CA12: variants seen among roughly 807,000 people sequenced by gnomAD.
CA12 encodes carbonic anhydrase 12.
Under a neutral mutation model 46.8 loss-of-function variants are expected in CA12, and 36 were observed. The observed-to-expected ratio is 0.77, with a 90% confidence interval of 0.59 to 1.02. The LOEUF is 1.02. Ranked by LOEUF, CA12 falls within the 50% of genes least tolerant of loss-of-function variation. The pLI is 0.00. For missense variants in CA12, 436 were observed against 451.4 expected (o/e 0.97, Z 0.31); for synonymous variants, 202 against 187.0 (o/e 1.08, Z -0.65).
At chr15:63,369,366 C>T (rs16946950) in intron 2 of CA12, among the ~76,000 whole-genome samples, 7,616 of 152,222 alleles carry the variant, frequency 0.05, 313 homozygotes, top group South Asian at 0.11. Flanking sequence ...CATAGCTCTG[C>T]GAGGCAAAGA....
chr15:63,361,757 A>G (rs940196445), intron 2 of CA12, among the ~76,000 whole-genome samples: 1 of 152,190 alleles, frequency 6.6e-6, no homozygotes, highest in African/African-American at 2.4e-5. Context: ...GAGGGACTCC[A>G]GTCCATGGGA....
At chr15:63,379,645 T>A (rs1487886793) in intron 1 of CA12, among the ~76,000 whole-genome samples, 2 of 152,216 alleles carry the variant, frequency 1.3e-5, no homozygotes, top group African/African-American at 4.8e-5. Flanking sequence ...CAGCTGGTAC[T>A]GGGCAGGGAG....
Position 63,339,170 on chromosome 15 carries a change from G to A in CA12, c.748-225C>T, listed in dbSNP as rs1186113463. 2.6e-5 allele frequency among the ~76,000 whole-genome samples: 4 copies of A among 152,110 alleles called. No homozygotes were observed. Among genetic ancestry groups the A allele is most frequent in the Non-Finnish European group, 5.9e-5 (4 of 68,020 alleles). Reference sequence around the variant, plus strand: ...CGCTGGGTTTATCTTCCCAGCACCCGAGACTTCAGGGAAAGGCAGTGCTGT... The same window carrying A: ...CGCTGGGTTTATCTTCCCAGCACCCAAGACTTCAGGGAAAGGCAGTGCTGT... On this transcript the variant is annotated intron_variant, in intron 7 of 10. Transcript: ENST00000178638. The surrounding 1 kb of genome is among the most constrained non-coding windows in gnomAD (Gnocchi z 4.3).
intron 2 of CA12, among the ~76,000 whole-genome samples, chr15:63,362,752 C>T (rs977369272): frequency 6.6e-6 from 1 of 152,172 alleles, no homozygotes; most frequent in African/African-American, 2.4e-5. Flanking sequence ...CTATAGCACT[C>T]TTGCTATTAT....
Position 63,323,808 on chromosome 15 carries a change from G to A in CA12, c.*2477C>T, listed in dbSNP as rs910659072. On this transcript the variant is annotated 3_prime_UTR_variant, in exon 11 of 11. Coordinates refer to ENST00000178638, the MANE Select transcript of CA12 (RefSeq NM_001218.5). The surrounding 1 kb of genome is among the most constrained non-coding windows in gnomAD (Gnocchi z 5.1). ...GCTAGAAACAGATACAGAGTTTTTTGTTGTTTTTTAACTATTTTACCAGAT... is the reference window on the plus strand; with the variant it reads ...GCTAGAAACAGATACAGAGTTTTTTATTGTTTTTTAACTATTTTACCAGAT... The A allele has an allele frequency of 2.0e-5, 3 of 152,210 alleles. No homozygotes were observed. The highest frequency in any genetic ancestry group is 7.2e-5 in the African/African-American group (3 of 41,426). 9.4% of individuals were successfully genotyped at this position (152,210 alleles called of 1,614,324 possible).
In CA12 at chr15:63,348,120, C is replaced by T. The variant is rs192486918; in HGVS notation, c.107-1411G>A. On this transcript the variant is annotated intron_variant, in intron 2 of 10. Transcript: ENST00000178638. This position sits in a 1 kb window ranked among gnomAD's most constrained non-coding sequence, Gnocchi z 4.6. ...CTTAGTTAGTTCTTACTTCTAGGTC[C>T]GGACACACACATCGGAACCCTACTG... 1.3e-4 allele frequency among the ~76,000 whole-genome samples: 20 copies of T among 152,172 alleles called. No individual in the cohort carries two copies. The highest frequency in any genetic ancestry group is 5.2e-4 in the Admixed American group (8 of 15,292).
intron 2 of CA12, among the ~76,000 whole-genome samples, chr15:63,364,370 G>C (rs1351455866): frequency 1.5e-5 from 2 of 134,654 alleles, no homozygotes; most frequent in Admixed American, 1.6e-4. Context: ...GGGACTCTTA[G>C]GAAACTGCCA....
rs1297416238 is a variant in CA12 at position 63,381,834 on chromosome 15, A to G, written c.-114T>C. On this transcript the variant is annotated 5_prime_UTR_variant, in exon 1 of 11. Transcript: ENST00000178638. ...GCGCAGCCTGGGTGCCGTGGCGAGT[A>G]CGTCCGCCCTTCGCTCTCCTGGCTT... The G allele has an allele frequency of 1.7e-6, 1 of 586,522 alleles. No homozygotes were observed. Among genetic ancestry groups the G allele is most frequent in the Non-Finnish European group, 2.7e-6 (1 of 371,836 alleles). The allele number at this position is 586,522 out of a possible 1,614,324, so 36.3% of individuals were successfully genotyped here. A position where few individuals can be genotyped will look rare whatever the true frequency, so the allele number is the denominator to read the frequency against.
rs562189729 is a variant in CA12, at chr15:63,374,482, C to T, written c.106+1176G>A. ...ATTATGTTCTGCTTTGAATTGTGAG[C>T]TTTAAGTAATTCCCAACTATGGACC... On this transcript the variant is annotated intron_variant, in intron 2 of 10. Transcript: ENST00000178638. This position sits in a 1 kb window ranked among gnomAD's most constrained non-coding sequence, Gnocchi z 4.4. Among the ~76,000 whole-genome samples the T allele has an allele frequency of 6.6e-6, 1 of 152,298 alleles. No homozygotes were observed. The highest frequency in any genetic ancestry group is 1.9e-4 in the East Asian group (1 of 5,192).
chr15:63,373,040 G>A lies in CA12; in HGVS notation c.106+2618C>T, dbSNP rs565795681. Among the ~76,000 whole-genome samples the A allele has an allele frequency of 1.1e-4, 16 of 152,272 alleles. No individual in the cohort carries two copies. The highest frequency in any genetic ancestry group is 1.0e-3 in the South Asian group (5 of 4,824). ...CTGCACTGAGAAGCCCGCCCTTGGC[G>A]AACACCACGTCATGATGAAGAGGCA... On this transcript the variant is annotated intron_variant, in intron 2 of 10. Coordinates refer to ENST00000178638, the MANE Select transcript of CA12 (RefSeq NM_001218.5). This position sits in a 1 kb window ranked among gnomAD's most constrained non-coding sequence, Gnocchi z 4.9.
chr15:63,354,680 C>G (rs1390649208), intron 2 of CA12, among the ~76,000 whole-genome samples: 2 of 152,188 alleles, frequency 1.3e-5, no homozygotes, highest in African/African-American at 4.8e-5. Flanking sequence ...TAGCTGTGTT[C>G]TCTGTGGCTC....
At chr15:63,343,014 T>C (rs750727332) in intron 4 of CA12, among the ~76,000 whole-genome samples, 3 of 152,196 alleles carry the variant, frequency 2.0e-5, no homozygotes, top group Non-Finnish European at 2.9e-5. Flanking sequence ...TATTAAGGAT[T>C]TCTTCAGAGC....
intron 2 of CA12, among the ~76,000 whole-genome samples, chr15:63,352,338 C>T (rs1192865416): frequency 5.9e-5 from 9 of 152,160 alleles, no homozygotes; most frequent in Non-Finnish European, 8.8e-5. Context: ...AATACAGGCG[C>T]GAGCCACCGC....
chr15:63,376,186 G>A (rs890610607), intron 1 of CA12, among the ~76,000 whole-genome samples: 1 of 152,228 alleles, frequency 6.6e-6, no homozygotes, highest in African/African-American at 2.4e-5. Flanking sequence ...AGCACAGGCA[G>A]TTGGTTCATG....
intron 8 of CA12, among the ~76,000 whole-genome samples, chr15:63,332,810 G>A (rs1399741019): frequency 6.6e-6 from 1 of 152,210 alleles, no homozygotes; most frequent in Admixed American, 6.5e-5. Context: ...AGGAGGGGAG[G>A]GAACTGGAGA....
In CA12 at chr15:63,339,601, G is replaced by T. The variant is rs186084678; in HGVS notation, c.748-656C>A. Among the ~76,000 whole-genome samples the T allele has an allele frequency of 5.3e-4, 81 of 152,328 alleles. No individual in the cohort carries two copies. The East Asian group carries it at 0.015, about 28-fold the overall frequency. On this transcript the variant is annotated intron_variant, in intron 7 of 10. Transcript: ENST00000178638. This position sits in a 1 kb window ranked among gnomAD's most constrained non-coding sequence, Gnocchi z 4.3. ...TACTGTAAAGAGGAGCAGCTGTGAG[G>T]CTGCCCTGGACGCATGAAGCTGGCG...
chr15:63,329,731 A>C lies in CA12; in HGVS notation c.875-1601T>G, dbSNP rs958695658. 6.6e-6 allele frequency among the ~76,000 whole-genome samples: 1 copy of C among 152,110 alleles called. No individual in the cohort carries two copies. The highest frequency in any genetic ancestry group is 2.4e-5 in the African/African-American group (1 of 41,414). Reference sequence around the variant, plus strand: ...TGAGGCCCTGGGAGAGCCCTGGTCAAGTGTAAGATGCCAGCAGGGGGCCAA... The same window carrying C: ...TGAGGCCCTGGGAGAGCCCTGGTCACGTGTAAGATGCCAGCAGGGGGCCAA... On this transcript the variant is annotated intron_variant, in intron 8 of 10. Transcript: ENST00000178638. This position sits in a 1 kb window ranked among gnomAD's most constrained non-coding sequence, Gnocchi z 4.8.
At chr15:63,342,237 C>T in intron 4 of CA12, 140 bp from the exon 5 acceptor site, 1 of 683,522 alleles carries the variant, frequency 1.5e-6, no homozygotes, top group Non-Finnish European at 2.7e-6. Context: ...CTCTCAGACC[C>T]TCCCCTTATT....
At chr15:63,350,644 CAA>C (rs1300350518) in intron 2 of CA12, among the ~76,000 whole-genome samples, 2 of 152,188 alleles carry the variant, frequency 1.3e-5, no homozygotes, top group African/African-American at 2.4e-5. Context: ...CGAAAGGTAA[CAA>C]GAGATTAACA....
Sources: gnomAD v4.1 joint callset for allele counts (sites outside exome capture counted in the v4.1 genomes callset) on GRCh38, gnomAD v4.1.1 for gene constraint, Gnocchi (gnomAD v3.1) non-coding constraint, MANE v1.5 for transcripts, NCBI Gene and HGNC (gene_info 2026-07-23, HGNC 2026-07-21) for gene names.